Variants in TMTC2 observed in about 807,000 individuals in gnomAD.
TMTC2 encodes protein O-mannosyl-transferase TMTC2.
TMTC2 carries 43 observed loss-of-function variants against 82.4 expected under a neutral mutation model. The observed-to-expected ratio is 0.52, with a 90% confidence interval of 0.41 to 0.67. The LOEUF (loss-of-function observed/expected upper bound fraction) is 0.67, where lower values mean the gene tolerates loss of function less well. Ranked by LOEUF, TMTC2 falls within the 30% of genes least tolerant of loss-of-function variation. The pLI is 0.00. For missense variants in TMTC2, 919 were observed against 1,012.4 expected, an observed-to-expected ratio of 0.91 and a Z score of 1.25; for synonymous variants, 408 against 381.9, an observed-to-expected ratio of 1.07 and a Z score of -0.80.
At chr12:82,885,175 T>C (rs1365823546) in intron 2 of TMTC2, among the ~76,000 whole-genome samples, 2 of 151,858 alleles carry the variant, frequency 1.3e-5, no homozygotes, top group African/African-American at 4.8e-5. Context: ...AGTGCTGGGA[T>C]TGCAGGTGTG....
intron 7 of TMTC2, among the ~76,000 whole-genome samples, chr12:82,971,883 A>T (rs1878463746): frequency 6.6e-6 from 1 of 152,048 alleles, no homozygotes; most frequent in African/African-American, 2.4e-5. Context: ...GTAAATAGTT[A>T]ATCTAGTTCC....
At chr12:83,035,598 G>C (rs1237995635) in intron 9 of TMTC2, among the ~76,000 whole-genome samples, 9 of 152,176 alleles carry the variant, frequency 5.9e-5, no homozygotes, top group Admixed American at 3.9e-4. Context: ...ATACAACATT[G>C]TGTATTTGTA....
chr12:83,094,318 G>C (rs113096560), intron 11 of TMTC2, among the ~76,000 whole-genome samples: 2,901 of 152,258 alleles, frequency 0.019, 89 homozygotes, highest in African/African-American at 0.066. Flanking sequence ...ACCTGCTCTG[G>C]GGAGCATTTC....
At chr12:82,935,204 T>C (rs2137250948) in intron 4 of TMTC2, among the ~76,000 whole-genome samples, 1 of 152,286 alleles carries the variant, frequency 6.6e-6, no homozygotes, top group African/African-American at 2.4e-5. Flanking sequence ...GCATTTTTAA[T>C]TCTAAATCTA....
At chr12:82,990,302 G>T (rs1189297013) in intron 8 of TMTC2, among the ~76,000 whole-genome samples, 1 of 152,062 alleles carries the variant, frequency 6.6e-6, no homozygotes, top group East Asian at 1.9e-4. Context: ...GAAAAATATT[G>T]ATTATTAGTA....
chr12:83,090,319 C>T (rs1883800672), intron 11 of TMTC2, among the ~76,000 whole-genome samples: 1 of 152,160 alleles, frequency 6.6e-6, no homozygotes, highest in African/African-American at 2.4e-5. Context: ...CACCACAGTA[C>T]TCTATTTTAA....
chr12:82,700,209 A>G (rs2136897390), intron 1 of TMTC2, among the ~76,000 whole-genome samples: 1 of 152,292 alleles, frequency 6.6e-6, no homozygotes, highest in East Asian at 1.9e-4. Context: ...TCTCTCTTAT[A>G]TAGAATAAGA....
At chr12:82,972,620 A>C (rs1293060498) in intron 7 of TMTC2, among the ~76,000 whole-genome samples, 3 of 152,190 alleles carry the variant, frequency 2.0e-5, no homozygotes, top group Non-Finnish European at 2.9e-5. Context: ...TTGAGAAAGA[A>C]ACTTGTGGTA....
At chr12:82,783,980 A>T (rs1354693321) in intron 1 of TMTC2, among the ~76,000 whole-genome samples, 1 of 152,116 alleles carries the variant, frequency 6.6e-6, no homozygotes, top group Non-Finnish European at 1.5e-5. Flanking sequence ...AGAATGGAGT[A>T]CATGGATGAT....
chr12:82,757,663 T>G (rs1009694864), intron 1 of TMTC2, among the ~76,000 whole-genome samples: 3 of 152,234 alleles, frequency 2.0e-5, no homozygotes, highest in African/African-American at 7.2e-5. Context: ...TCTCTCTGCT[T>G]AATGCTACCA....
Position 82,857,111 on chromosome 12 carries a change from A to T in TMTC2, c.185A>T (p.His62Leu). 1 of 1,614,110 alleles carries T rather than the reference A, an allele frequency of 6.2e-7. No individual in the cohort carries two copies. Among genetic ancestry groups the T allele is most frequent in the African/African-American group, 1.3e-5 (1 of 75,032 alleles). ...WGTLLTHSGS[H>L]KSYRPLCTLS... ...ACTCTTCTAACCCACAGTGGCAGCC[A>T]CAAGTCCTACCGGCCACTCTGCACT... The change falls in exon 2 of 12, where the codon CAC (histidine) becomes CTC (leucine). Residue 62 changes from histidine to leucine, a missense_variant. Physicochemically the swap from His to Leu is moderately conservative, Grantham distance 99 (BLOSUM62 -3). Coordinates refer to ENST00000321196, the MANE Select transcript of TMTC2 (RefSeq NM_152588.3).
At chr12:82,856,793 C>T (rs1440026121) in intron 1 of TMTC2, among the ~76,000 whole-genome samples, 1 of 151,996 alleles carries the variant, frequency 6.6e-6, no homozygotes, top group Non-Finnish European at 1.5e-5. Context: ...TGCATTTCAA[C>T]AAGGAAGGAA....
chr12:83,128,113 A>T (rs1044635583), intron 11 of TMTC2, among the ~76,000 whole-genome samples: 2 of 152,142 alleles, frequency 1.3e-5, no homozygotes, highest in Non-Finnish European at 2.9e-5. Flanking sequence ...GCTTTGGTTA[A>T]CATACTGAAA....
intron 8 of TMTC2, among the ~76,000 whole-genome samples, chr12:83,026,049 C>A (rs560888659): frequency 6.6e-6 from 1 of 152,238 alleles, no homozygotes; most frequent in South Asian, 2.1e-4. Context: ...ATTAACTCAG[C>A]CTCCATCCCT....
At chr12:82,915,124 C>T (rs1283161547) in intron 3 of TMTC2, among the ~76,000 whole-genome samples, 8 of 152,108 alleles carry the variant, frequency 5.3e-5, no homozygotes, top group Admixed American at 5.2e-4. Context: ...TGTGCTCGGC[C>T]TTACAATTCT....
chr12:82,957,368 G>A (rs1877670308), intron 4 of TMTC2, among the ~76,000 whole-genome samples: 1 of 152,020 alleles, frequency 6.6e-6, no homozygotes, highest in Non-Finnish European at 1.5e-5. Context: ...AAAGTCTCTG[G>A]GATACAGCAA....
chr12:83,021,605 T>A (rs76065130), intron 8 of TMTC2, among the ~76,000 whole-genome samples: 438 of 29,292 alleles, frequency 0.015, 3 homozygotes, highest in East Asian at 0.15. Context: ...TAAAAAAAAT[T>A]TTTTTTTAAT....
At chr12:82,895,618 G>A (rs1873622229) in intron 2 of TMTC2, among the ~76,000 whole-genome samples, 200 bp from the exon 3 acceptor site, 1 of 152,054 alleles carries the variant, frequency 6.6e-6, no homozygotes, top group Non-Finnish European at 1.5e-5. Flanking sequence ...TACAAACTAC[G>A]ATTTCAGATT....
chr12:82,902,712 C>T (rs552859631), intron 3 of TMTC2, among the ~76,000 whole-genome samples: 54 of 152,022 alleles, frequency 3.6e-4, no homozygotes, highest in South Asian at 1.9e-3. Context: ...ATAACAGTGG[C>T]GGGGAGGGAG....
Sources: gnomAD v4.1 joint callset for allele counts (sites outside exome capture counted in the v4.1 genomes callset) on GRCh38, gnomAD v4.1.1 for gene constraint, MANE v1.5 for transcripts, NCBI Gene and HGNC (gene_info 2026-07-23, HGNC 2026-07-21) for gene names.